MYT1: variants seen among roughly 807,000 people sequenced by gnomAD.
MYT1 encodes myelin transcription factor 1.
MYT1 carries 23 observed loss-of-function variants against 123.0 expected under a neutral mutation model. The observed-to-expected ratio is 0.19, with a 90% CI of 0.13 to 0.26. The LOEUF (loss-of-function observed/expected upper bound fraction) is 0.26, where lower values mean the gene tolerates loss of function less well. MYT1 is among the 10% of genes least tolerant of loss of function. The pLI, the probability that MYT1 is intolerant of heterozygous loss-of-function variation, is 1.00. For synonymous variants in MYT1, 518 were observed against 575.3 expected (o/e 0.90, Z 1.43); for missense variants, 1,125 against 1,472.5 (o/e 0.76, Z 3.86).
chr20:64,210,786 A>G (rs1983643453), intron 7 of MYT1, among the ~76,000 whole-genome samples: 1 of 152,212 alleles, frequency 6.6e-6, no homozygotes, highest in South Asian at 2.1e-4. Flanking sequence ...AGCCTTGGAT[A>G]AGTTACTCAA....
chr20:64,170,880 TATATAG>T (rs59259164), intron 1 of MYT1, among the ~76,000 whole-genome samples: 25 of 49,158 alleles, frequency 5.1e-4, no homozygotes, highest in African/African-American at 7.8e-4. Context: ...TATATATATA[TATATAG>T]AGAGAGAGAG....
At position 64,213,273 on chromosome 20, in the gene MYT1, T is replaced by A. The variant is rs188968976; in HGVS notation, c.1518-261T>A. On this transcript the variant is annotated intron_variant, in intron 9 of 22. Coordinates refer to ENST00000328439, the MANE Select transcript of MYT1 (RefSeq NM_004535.3). The surrounding 1 kb of genome is among the most constrained non-coding windows in gnomAD (Gnocchi z 5.6). ...CAAGGCCTTTAGGATATATTTCATC[T>A]TTGTGTGTCCTTGGCATAGAATGTT... Among the ~76,000 whole-genome samples, 3 of 152,320 alleles carry A rather than the reference T, an allele frequency of 2.0e-5. No individual in the cohort carries two copies.
Position 64,170,281 on chromosome 20 carries a change from C to T in MYT1, c.-99+5542C>T, listed in dbSNP as rs181410380. 3.9e-5 allele frequency among the ~76,000 whole-genome samples: 6 copies of T among 152,272 alleles called. No individual in the cohort carries two copies. In the East Asian group the frequency reaches 9.7e-4, roughly 25 times the overall value. ...TGTCTCACATTTGAAATCCCGCTCTCGGGATGCAATGTCTCTGCTGTGACA... is the reference window on the plus strand; with the variant it reads ...TGTCTCACATTTGAAATCCCGCTCTTGGGATGCAATGTCTCTGCTGTGACA... On this transcript the variant is annotated intron_variant, in intron 1 of 22. Coordinates refer to ENST00000328439, the MANE Select transcript of MYT1 (RefSeq NM_004535.3).
Position 64,198,895 on chromosome 20 carries a change from A to G in MYT1, c.34A>G (p.Thr12Ala). ...AGAAAATGAAGACAAGCGAGCTCGC[A>G]CCCGATCCAAGGCCCTGCGAGGTGA... is the stretch of plus-strand genomic sequence containing the variant. ...SLENEDKRARTRSKALRGPPE... is the reference protein window; with the variant it reads ...SLENEDKRARARSKALRGPPE... Residue 12 changes from threonine (T) to alanine (A), a missense_variant, in exon 3 of 23, where the codon ACC (threonine) becomes GCC (alanine). Transcript: ENST00000328439. 2 of 1,614,110 alleles carry G rather than the reference A, an allele frequency of 1.2e-6. No individual in the cohort carries two copies. The highest frequency in any genetic ancestry group is 1.7e-6 in the Non-Finnish European group (2 of 1,180,010).
At chr20:64,181,588 G>A (rs1223402583) in intron 1 of MYT1, among the ~76,000 whole-genome samples, 3 of 152,180 alleles carry the variant, frequency 2.0e-5, no homozygotes, top group Admixed American at 6.5e-5. Flanking sequence ...GTCCACATGC[G>A]TCTGGAGAGT....
intron 12 of MYT1, 43 bp downstream of exon 12, chr20:64,219,078 T>C: frequency 6.4e-7 from 1 of 1,566,450 alleles, no homozygotes; most frequent in Non-Finnish European, 8.7e-7. Flanking sequence ...AGAGGTGAGT[T>C]GGTGGAATTT....
intron 16 of MYT1, 94 bp downstream of exon 16, chr20:64,223,453 G>A: frequency 7.0e-7 from 1 of 1,421,752 alleles, no homozygotes; most frequent in East Asian, 2.3e-5. Flanking sequence ...CCTTCTCCAA[G>A]GTGCCAAGCC....
At position 64,192,825 on chromosome 20, in the gene MYT1, C is replaced by T. The variant is rs929315948; in HGVS notation, c.-1+2665C>T. Among the ~76,000 whole-genome samples, 2 of 152,218 alleles carry T rather than the reference C, an allele frequency of 1.3e-5. No homozygotes were observed. Among genetic ancestry groups the T allele is most frequent in the African/African-American group, 2.4e-5 (1 of 41,466 alleles). On this transcript the variant is annotated intron_variant, in intron 2 of 22. Transcript: ENST00000328439. The surrounding 1 kb of genome is among the most constrained non-coding windows in gnomAD (Gnocchi z 5.3). ...AGGCTCCTGCAAGGGAAGGAGCTGC[C>T]ACTGGGTATGGCCCTTCTGGCCTCT...
intron 8 of MYT1, 93 bp from the exon 9 acceptor site, chr20:64,211,955 C>T (rs992327886): frequency 1.9e-6 from 2 of 1,057,424 alleles, no homozygotes; most frequent in African/African-American, 3.1e-5. Flanking sequence ...GGACAAGGCT[C>T]CTGCACCCTC....
rs1447612904 is a variant in MYT1 at position 64,208,499 on chromosome 20, G to A, written c.1291+12G>A. On this transcript the variant is annotated intron_variant, in intron 7 of 22. Coordinates refer to ENST00000328439, the MANE Select transcript of MYT1 (RefSeq NM_004535.3). This position sits in a 1 kb window ranked among gnomAD's most constrained non-coding sequence, Gnocchi z 5.4. ...TTACTACAGTAAAGGTAGGGCTCAG[G>A]GGTGGCCTGGCCCTGCAGACTCATC... is the stretch of plus-strand genomic sequence containing the variant. The A allele has an allele frequency of 6.3e-7, 1 of 1,575,536 alleles. No individual in the cohort carries two copies. Among genetic ancestry groups the A allele is most frequent in the Admixed American group, 1.7e-5 (1 of 57,674 alleles).
rs1310026909 is a variant in MYT1, at chr20:64,208,024, AGAG to A, written c.831_833del (p.Glu306del). The A allele has an allele frequency of 1.9e-6, 3 of 1,584,894 alleles. No homozygotes were observed. Among genetic ancestry groups the A allele is most frequent in the African/African-American group, 2.7e-5 (2 of 73,412 alleles). ...AAGAGGAGGAGGAGGAGGATGAAGA[AGAG>A]GAAGAGGAAGAGGAGGAGGAAGAGG... is the stretch of plus-strand genomic sequence containing the variant. On this transcript the variant is annotated inframe_deletion, in exon 7 of 23. Coordinates refer to ENST00000328439, the MANE Select transcript of MYT1 (RefSeq NM_004535.3). The surrounding 1 kb of genome is among the most constrained non-coding windows in gnomAD (Gnocchi z 5.4).
chr20:64,201,793 C>T (rs143329076), intron 4 of MYT1, among the ~76,000 whole-genome samples: 6 of 152,308 alleles, frequency 3.9e-5, no homozygotes, highest in African/African-American at 1.2e-4. Flanking sequence ...GCATGACCCA[C>T]GCAGAAAACG....
rs764622565 is a variant in MYT1, at chr20:64,219,881, A to G, written c.2140A>G (p.Met714Val). 2 of 1,587,864 alleles carry G rather than the reference A, an allele frequency of 1.3e-6. No individual in the cohort carries two copies. The highest frequency in any genetic ancestry group is 1.8e-5 in the Admixed American group (1 of 54,956). Residue 714 changes from methionine (M) to valine (V), a missense_variant, in exon 13 of 23, where the codon ATG (methionine) becomes GTG (valine). By Grantham distance (21) the Met-to-Val change is conservative (BLOSUM62 1). This residue lies in a region of MYT1 where 429 missense variants were observed against 604.1 expected (regional missense o/e 0.71). Transcript: ENST00000328439. ...CAGCACCAGCGCCCCCAGCAGCTCCATGACCTCTCCCCAGTCCAGCCAGGC... is the reference window on the plus strand; with the variant it reads ...CAGCACCAGCGCCCCCAGCAGCTCCGTGACCTCTCCCCAGTCCAGCCAGGC... ...HSSTSAPSSS[M>V]TSPQSSQASR...
intron 1 of MYT1, among the ~76,000 whole-genome samples, chr20:64,179,756 G>A (rs1982582825): frequency 6.6e-6 from 1 of 151,898 alleles, no homozygotes; most frequent in Non-Finnish European, 1.5e-5. Flanking sequence ...TGGGTGTTGG[G>A]CCTCTAGTGG....
chr20:64,221,307 T>A (rs1983992877), intron 13 of MYT1, among the ~76,000 whole-genome samples: 1 of 152,188 alleles, frequency 6.6e-6, no homozygotes, highest in South Asian at 2.1e-4. Flanking sequence ...TGGGAGGGAC[T>A]ACGCCCTGCT....
At chr20:64,172,394 G>T (rs186826942) in intron 1 of MYT1, among the ~76,000 whole-genome samples, 12 of 152,334 alleles carry the variant, frequency 7.9e-5, no homozygotes, top group African/African-American at 2.9e-4. Flanking sequence ...GAGGCCTGGG[G>T]ATCTTCCCTC....
Position 64,218,763 on chromosome 20 carries a change from C to A in MYT1, c.1847-148C>A, listed in dbSNP as rs1983909768. On this transcript the variant is annotated intron_variant, in intron 11 of 22. Transcript: ENST00000328439. The surrounding 1 kb of genome is among the most constrained non-coding windows in gnomAD (Gnocchi z 4.0). ...TCCCTCCCAAAGTGCCCCCTCCCCACTGACTTGTCTGCATTGCTGCCTCTT... is the reference window on the plus strand; with the variant it reads ...TCCCTCCCAAAGTGCCCCCTCCCCAATGACTTGTCTGCATTGCTGCCTCTT... The A allele has an allele frequency of 1.9e-6, 2 of 1,058,790 alleles. No homozygotes were observed. The highest frequency in any genetic ancestry group is 2.8e-6 in the Non-Finnish European group (2 of 704,170). The allele number at this position is 1,058,790 out of a possible 1,614,324, so 65.6% of individuals were successfully genotyped here. A position where few individuals can be genotyped will look rare whatever the true frequency, so the allele number is the denominator to read the frequency against.
chr20:64,184,335 AT>A (rs572464717), intron 1 of MYT1, among the ~76,000 whole-genome samples: 40 of 143,816 alleles, frequency 2.8e-4, no homozygotes, highest in Non-Finnish European at 2.4e-4. Flanking sequence ...GTCCAACTTC[AT>A]TTTTTTTTTT....
Position 64,237,410 on chromosome 20 carries a change from G to T in MYT1, c.3093+20G>T. 3 of 1,564,456 alleles carry T rather than the reference G, an allele frequency of 1.9e-6. No homozygotes were observed. The South Asian group carries it at 3.5e-5, about 18-fold the overall frequency. On this transcript the variant is annotated intron_variant, in intron 21 of 22. Transcript: ENST00000328439. ...TCCCAGGTAGGTGGTGCCGCCCCCC[G>T]CTCCTGGGCTCTTTGCCCACCCAAC...
Sources: gnomAD v4.1 joint callset for allele counts (sites outside exome capture counted in the v4.1 genomes callset) on GRCh38, gnomAD v4.1.1 for gene constraint, gnomAD v4.1.1 regional missense constraint, Gnocchi (gnomAD v3.1) non-coding constraint, MANE v1.5 for transcripts, NCBI Gene and HGNC (gene_info 2026-07-23, HGNC 2026-07-21) for gene names.